MYO1D: variants seen among roughly 807,000 people sequenced by gnomAD.
MYO1D encodes the protein unconventional myosin-Id.
Under a neutral mutation model 122.0 loss-of-function variants are expected in MYO1D, and 83 were observed. The observed-to-expected ratio is 0.68, with a 90% CI of 0.57 to 0.82. MYO1D has a LOEUF of 0.82. Among genes scored for constraint, MYO1D ranks in the 40% least tolerant of loss-of-function variants. MYO1D has a pLI of 0.00. For synonymous variants in MYO1D, 464 were observed against 446.9 expected, an observed-to-expected ratio of 1.04 and a Z score of -0.48; for missense variants, 1,157 against 1,269.5, an observed-to-expected ratio of 0.91 and a Z score of 1.35.
At chr17:32,540,793 G>A (rs1910815256) in intron 21 of MYO1D, among the ~76,000 whole-genome samples, 1 of 152,012 alleles carries the variant, frequency 6.6e-6, no homozygotes, top group East Asian at 1.9e-4. Flanking sequence ...AGGCATGGTG[G>A]TGTGGGCCTG....
intron 20 of MYO1D, among the ~76,000 whole-genome samples, chr17:32,623,880 C>T (rs1279999063): frequency 3.3e-5 from 5 of 152,080 alleles, no homozygotes; most frequent in South Asian, 2.1e-4. Flanking sequence ...TTGTATAAGT[C>T]GATAATCCCA....
chr17:32,712,020 T>C lies in MYO1D; in HGVS notation c.2089A>G (p.Met697Val). The change falls in exon 16 of 22, where the codon ATG (methionine) becomes GTG (valine). Residue 697 changes from methionine (M) to valine (V), a missense_variant. Physicochemically the swap from Met to Val is conservative, Grantham distance 21. Coordinates refer to ENST00000318217, the MANE Select transcript of MYO1D (RefSeq NM_015194.3). Reference sequence around the variant, plus strand: ...AGAAAGAGGACAATCCTTATGAGCATCTGGGCACGGAGTTCTTCCAAGGTA... The same window carrying C: ...AGAAAGAGGACAATCCTTATGAGCACCTGGGCACGGAGTTCTTCCAAGGTA... ...LFTLEELRAQ[M>V]LIRIVLFLQK... 1.2e-6 allele frequency: 2 copies of C among 1,614,114 alleles called. No individual in the cohort carries two copies. Among genetic ancestry groups the C allele is most frequent in the Middle Eastern group, 1.6e-4 (1 of 6,062 alleles).
chr17:32,721,330 GTTATTCTTCC>G (rs2089508463), intron 14 of MYO1D, 141 bp from the exon 15 acceptor site: 3 of 774,268 alleles, frequency 3.9e-6, no homozygotes, highest in Non-Finnish European at 6.1e-6. Flanking sequence ...GAATAAAGTA[GTTATTCTTCC>G]TTTCTCCTTC....
chr17:32,517,678 A>G (rs1416062164), intron 21 of MYO1D, among the ~76,000 whole-genome samples: 3 of 152,192 alleles, frequency 2.0e-5, no homozygotes, highest in Non-Finnish European at 4.4e-5. Flanking sequence ...CCGGAAGAAG[A>G]GCTGGCCCCG....
intron 1 of MYO1D, among the ~76,000 whole-genome samples, chr17:32,853,222 T>C (rs552457411): frequency 3.9e-5 from 6 of 152,336 alleles, no homozygotes; most frequent in African/African-American, 1.2e-4. Flanking sequence ...CTAGTCTCAC[T>C]TGGACTCTTT....
intron 21 of MYO1D, among the ~76,000 whole-genome samples, chr17:32,525,582 T>C (rs72813059): frequency 1.0e-3 from 156 of 152,226 alleles, no homozygotes; most frequent in Non-Finnish European, 2.0e-3. Flanking sequence ...CTAGACTTGA[T>C]CTTAGCCAAA....
intron 2 of MYO1D, among the ~76,000 whole-genome samples, chr17:32,779,992 T>C (rs766015035): frequency 7.2e-5 from 11 of 152,264 alleles, no homozygotes; most frequent in Non-Finnish European, 1.2e-4. Flanking sequence ...CCTGTCCCCA[T>C]TTCACTACAT....
At chr17:32,524,298 A>AAGTCTC (rs1296253824) in intron 21 of MYO1D, among the ~76,000 whole-genome samples, 6 of 152,214 alleles carry the variant, frequency 3.9e-5, no homozygotes, top group Non-Finnish European at 7.3e-5. Context: ...ATTGGTGAGA[A>AAGTCTC]AGTCTCAGTC....
intron 21 of MYO1D, among the ~76,000 whole-genome samples, chr17:32,596,431 CTT>C (rs2087493595): frequency 2.0e-5 from 3 of 152,192 alleles, no homozygotes; most frequent in South Asian, 2.1e-4. Context: ...TCCTTCACCT[CTT>C]GTCATGAGGC....
intron 1 of MYO1D, among the ~76,000 whole-genome samples, chr17:32,831,175 AATACT>A (rs1210307757): frequency 6.6e-6 from 1 of 152,226 alleles, no homozygotes; most frequent in African/African-American, 2.4e-5. Flanking sequence ...AAGTCAACAC[AATACT>A]AAGCAGCAAT....
Position 32,638,766 on chromosome 17 carries a change from G to A in MYO1D, c.2665C>T (p.Pro889Ser), listed in dbSNP as rs763111774. 6.2e-7 allele frequency: 1 copy of A among 1,613,832 alleles called. No individual in the cohort carries two copies. Among genetic ancestry groups the A allele is most frequent in the Admixed American group, 1.7e-5 (1 of 60,006 alleles). The change falls in exon 20 of 22, where the codon CCC becomes TCC. Residue 889 changes from proline (P) to serine (S), a missense_variant. Coordinates refer to ENST00000318217, the MANE Select transcript of MYO1D (RefSeq NM_015194.3). ...VTDRHLYKMD[P>S]TKQYKVMKTI... Reference sequence around the variant, plus strand: ...TTCATCACCTTGTACTGTTTAGTGGGATCCATTTTATACAGGTGACGGTCA... The same window carrying A: ...TTCATCACCTTGTACTGTTTAGTGGAATCCATTTTATACAGGTGACGGTCA...
chr17:32,814,138 G>C (rs1238994045), intron 1 of MYO1D, among the ~76,000 whole-genome samples: 2 of 152,168 alleles, frequency 1.3e-5, no homozygotes, highest in African/African-American at 4.8e-5. Flanking sequence ...GAGGTCAAGA[G>C]ATCGAGACCA....
At position 32,819,223 on chromosome 17, in the gene MYO1D, G is replaced by A. The variant is rs191414277; in HGVS notation, c.96-38439C>T. Among the ~76,000 whole-genome samples the A allele has an allele frequency of 2.5e-3, 369 of 146,660 alleles. 3 individuals carry two copies. Among genetic ancestry groups the A allele is most frequent in the Non-Finnish European group, 2.2e-3 (145 of 66,838 alleles). On this transcript the variant is annotated intron_variant, in intron 1 of 21. Transcript: ENST00000318217. ...GGTTTCAAGTTTTTTTTTTTTTTTC[G>A]GTCTGGATAGTGTGATTGCAAGAAG... is the stretch of plus-strand genomic sequence containing the variant.
intron 3 of MYO1D, 133 bp downstream of exon 3, chr17:32,778,347 C>G: frequency 3.1e-6 from 2 of 641,868 alleles, no homozygotes; most frequent in South Asian, 5.3e-5. Flanking sequence ...ATCAAAGTAG[C>G]TTAATCATCA....
intron 11 of MYO1D, among the ~76,000 whole-genome samples, chr17:32,750,615 CAATA>C (rs375117230): frequency 6.6e-5 from 10 of 151,640 alleles, no homozygotes; most frequent in Admixed American, 4.6e-4. Context: ...GACTCTGTCT[CAATA>C]AATAAATAAA....
chr17:32,702,221 G>C (rs961442076), intron 16 of MYO1D, among the ~76,000 whole-genome samples: 3 of 152,134 alleles, frequency 2.0e-5, no homozygotes, highest in African/African-American at 7.2e-5. Flanking sequence ...TATTATACTT[G>C]TGTGCATATA....
At chr17:32,850,855 T>A (rs2090980031) in intron 1 of MYO1D, among the ~76,000 whole-genome samples, 1 of 152,188 alleles carries the variant, frequency 6.6e-6, no homozygotes, top group African/African-American at 2.4e-5. Context: ...TCTCTGTCTC[T>A]TTTTTCTCAT....
chr17:32,821,942 C>T (rs2090669359), intron 1 of MYO1D, among the ~76,000 whole-genome samples: 1 of 152,140 alleles, frequency 6.6e-6, no homozygotes, highest in South Asian at 2.1e-4. Context: ...TAAACTAGTT[C>T]AACCATTGTG....
chr17:32,767,720 A>C lies in MYO1D; in HGVS notation c.747T>G (p.Val249=), dbSNP rs1236317696. 4.3e-6 allele frequency: 7 copies of C among 1,613,768 alleles called. No homozygotes were observed. Among genetic ancestry groups the C allele is most frequent in the Non-Finnish European group, 5.9e-6 (7 of 1,179,886 alleles). Residue 249 remains valine, a synonymous_variant, in exon 7 of 22, where the codon GTT becomes GTG. Coordinates refer to ENST00000318217, the MANE Select transcript of MYO1D (RefSeq NM_015194.3). ...SSINDAAEFR[V]VADAMKVIGF... is the part of the protein sequence containing the mutation. ...CAATGACTTTCATGGCATCAGCAAC[A>C]ACTCTGAATTCGGCAGCATCATTGA...
Sources: gnomAD v4.1 joint callset for allele counts (sites outside exome capture counted in the v4.1 genomes callset) on GRCh38, gnomAD v4.1.1 for gene constraint, MANE v1.5 for transcripts, NCBI Gene and HGNC (gene_info 2026-07-23, HGNC 2026-07-21) for gene names.